OXR1: variants seen among roughly 807,000 people sequenced by gnomAD.
OXR1 encodes the protein oxidation resistance protein 1.
OXR1 carries 41 observed loss-of-function variants against 104.6 expected under a neutral mutation model. The observed-to-expected ratio is 0.39, with a 90% confidence interval of 0.31 to 0.51. The LOEUF (loss-of-function observed/expected upper bound fraction) is 0.51, where lower values mean the gene tolerates loss of function less well. OXR1 is among the 20% of genes least tolerant of loss of function. OXR1 has a pLI of 0.77. For missense variants in OXR1, 955 were observed against 1,031.9 expected (o/e 0.93, Z 1.02); for synonymous variants, 348 against 348.4 (o/e 1.00, Z 0.01).
At chr8:106,285,023 T>G (rs535346092) in intron 1 of OXR1, among the ~76,000 whole-genome samples, 18 of 152,236 alleles carry the variant, frequency 1.2e-4, no homozygotes, top group African/African-American at 4.1e-4. Context: ...AATGTGCAGG[T>G]TTGTTACATA....
intron 2 of OXR1, among the ~76,000 whole-genome samples, chr8:106,384,691 A>G (rs778190350): frequency 2.7e-4 from 40 of 150,182 alleles, no homozygotes; most frequent in Admixed American, 6.6e-5. Context: ...AAAAGCATTC[A>G]TTGCTGTCTT....
intron 1 of OXR1, among the ~76,000 whole-genome samples, chr8:106,308,546 G>T (rs1813557455): frequency 6.6e-6 from 1 of 152,106 alleles, no homozygotes; most frequent in African/African-American, 2.4e-5. Flanking sequence ...TAGGAGAAGG[G>T]CCCAAGAATT....
rs1835861568 is a variant in OXR1 at position 106,751,144 on chromosome 8, G to T, written c.*203G>T. 2 of 421,946 alleles carry T rather than the reference G, an allele frequency of 4.7e-6. No homozygotes were observed. Among genetic ancestry groups the T allele is most frequent in the South Asian group, 5.3e-5 (1 of 19,004 alleles). 26.1% of individuals were successfully genotyped at this position (421,946 alleles called of 1,614,324 possible). ...CAGAGTTCTTTAGGTTAACACTAGG[G>T]ACTGCGTCCATGTACTAGTATAACA... On this transcript the variant is annotated 3_prime_UTR_variant, in exon 17 of 17. Transcript: ENST00000517566.
chr8:106,628,223 GTCCATTGGA>G (rs1219229901), intron 3 of OXR1, among the ~76,000 whole-genome samples: 1 of 152,110 alleles, frequency 6.6e-6, no homozygotes, highest in Non-Finnish European at 1.5e-5. Context: ...AGGAATGCCT[GTCCATTGGA>G]TTGTTGCAAG....
intron 2 of OXR1, among the ~76,000 whole-genome samples, chr8:106,398,057 T>C (rs1234978897): frequency 6.6e-6 from 1 of 152,118 alleles, no homozygotes; most frequent in Non-Finnish European, 1.5e-5. Flanking sequence ...TCTGTGTGTG[T>C]GTGTCTGTGT....
chr8:106,453,237 ATC>A (rs1477588600), intron 2 of OXR1, among the ~76,000 whole-genome samples: 1 of 152,084 alleles, frequency 6.6e-6, no homozygotes, highest in Non-Finnish European at 1.5e-5. Flanking sequence ...TCACCCATGG[ATC>A]TCTCTCTCCC....
intron 3 of OXR1, among the ~76,000 whole-genome samples, chr8:106,593,604 C>T (rs1177595324): frequency 1.3e-5 from 2 of 148,760 alleles, no homozygotes; most frequent in African/African-American, 4.9e-5. Flanking sequence ...CGGTGAAACC[C>T]CGTCTCTGCT....
chr8:106,751,017 G>C lies in OXR1; in HGVS notation c.*76G>C. The stretch of plus-strand genomic sequence containing the variant: ...AAGCATTGTTTGGAAAGTTCAAGAA[G>C]CAATACAGTGTAACATGTCACTTGT... On this transcript the variant is annotated 3_prime_UTR_variant, in exon 17 of 17. Coordinates refer to ENST00000517566, the MANE Select transcript of OXR1 (RefSeq NM_001198533.2). 1 of 1,064,110 alleles carries C rather than the reference G, an allele frequency of 9.4e-7. No individual in the cohort carries two copies. The highest frequency in any genetic ancestry group is 1.4e-6 in the Non-Finnish European group (1 of 726,226). The allele number at this position is 1,064,110 out of a possible 1,614,324, so 65.9% of individuals were successfully genotyped here. A position where few individuals can be genotyped will look rare whatever the true frequency, so the allele number is the denominator to read the frequency against.
chr8:106,683,427 C>T, intron 5 of OXR1, 121 bp downstream of exon 5: 1 of 499,058 alleles, frequency 2.0e-6, no homozygotes. Flanking sequence ...GTGCTTTTAA[C>T]AAATCATATT....
At chr8:106,378,192 A>G (rs1452086936) in intron 2 of OXR1, among the ~76,000 whole-genome samples, 1 of 152,202 alleles carries the variant, frequency 6.6e-6, no homozygotes, top group African/African-American at 2.4e-5. Context: ...AAGTAAAGAC[A>G]GGTTACTGTA....
intron 1 of OXR1, among the ~76,000 whole-genome samples, chr8:106,318,023 C>G (rs551566283): frequency 6.6e-6 from 1 of 152,016 alleles, no homozygotes; most frequent in South Asian, 2.1e-4. Context: ...ATGACCATGA[C>G]AGGAAATAAT....
chr8:106,606,673 G>T (rs1820423844), intron 3 of OXR1, among the ~76,000 whole-genome samples: 3 of 151,820 alleles, frequency 2.0e-5, no homozygotes, highest in African/African-American at 7.3e-5. Flanking sequence ...GGACCTTTTT[G>T]ATTACAATGG....
chr8:106,645,866 T>C (rs1034950969), intron 3 of OXR1, among the ~76,000 whole-genome samples: 5 of 152,170 alleles, frequency 3.3e-5, no homozygotes, highest in African/African-American at 1.2e-4. Flanking sequence ...AAATTTGTCA[T>C]TGCTGCCCAG....
At chr8:106,453,300 G>A (rs769445067) in intron 2 of OXR1, among the ~76,000 whole-genome samples, 3 of 152,134 alleles carry the variant, frequency 2.0e-5, no homozygotes, top group Non-Finnish European at 4.4e-5. Context: ...ATGGTGCCTT[G>A]CCCTAAGTGT....
intron 3 of OXR1, among the ~76,000 whole-genome samples, chr8:106,622,988 G>A (rs897636699): frequency 5.3e-5 from 8 of 152,184 alleles, no homozygotes; most frequent in Admixed American, 4.6e-4. Flanking sequence ...AGATGAGGAA[G>A]TTAAGGACAG....
chr8:106,343,679 A>G (rs1365546169), intron 1 of OXR1, among the ~76,000 whole-genome samples: 3 of 152,372 alleles, frequency 2.0e-5, no homozygotes, highest in Admixed American at 1.3e-4. Flanking sequence ...TCCAAGCCAC[A>G]TGAAAGTTAA....
At chr8:106,335,253 G>T (rs1181944736) in intron 1 of OXR1, among the ~76,000 whole-genome samples, 1 of 151,890 alleles carries the variant, frequency 6.6e-6, no homozygotes, top group Non-Finnish European at 1.5e-5. Context: ...CTGTTTGATG[G>T]CTTTCTATCC....
chr8:106,745,973 T>C (rs1835362577), intron 16 of OXR1, 111 bp downstream of exon 16: 1 of 622,546 alleles, frequency 1.6e-6, no homozygotes, highest in Non-Finnish European at 2.8e-6. Context: ...GAATTCAAAT[T>C]TGTATATTAT....
intron 3 of OXR1, among the ~76,000 whole-genome samples, chr8:106,522,359 T>C (rs942637732): frequency 6.6e-6 from 1 of 152,242 alleles, no homozygotes; most frequent in Non-Finnish European, 1.5e-5. Context: ...TAATATCTAA[T>C]ACAATGTAAA....
Sources: gnomAD v4.1 joint callset for allele counts (sites outside exome capture counted in the v4.1 genomes callset) on GRCh38, gnomAD v4.1.1 for gene constraint, MANE v1.5 for transcripts, NCBI Gene and HGNC (gene_info 2026-07-23, HGNC 2026-07-21) for gene names.